LRRC7: variants seen among roughly 807,000 people sequenced by gnomAD.
LRRC7 encodes leucine-rich repeat-containing protein 7.
A neutral mutation model predicts 175.7 loss-of-function variants in LRRC7; 23 were observed. The ratio of observed to expected loss-of-function variants is 0.13; its 90% CI spans 0.09 to 0.19. The LOEUF is 0.19. Ranked by LOEUF, LRRC7 falls within the 10% of genes least tolerant of loss-of-function variation. LRRC7 has a pLI of 1.00. For synonymous variants in LRRC7, 685 were observed against 680.9 expected, an observed-to-expected ratio of 1.01 and a Z score of -0.09; for missense variants, 1,354 against 1,904.7, an observed-to-expected ratio of 0.71 and a Z score of 5.38.
chr1:69,933,359 A>G (rs116521984), intron 8 of LRRC7, among the ~76,000 whole-genome samples: 1,895 of 152,308 alleles, frequency 0.012, 35 homozygotes, highest in African/African-American at 0.043. Context: ...TTTAAAGGAG[A>G]TATTTATTAA....
intron 1 of LRRC7, among the ~76,000 whole-genome samples, chr1:69,650,310 A>T (rs768652044): frequency 5.9e-5 from 9 of 151,952 alleles, no homozygotes; most frequent in Non-Finnish European, 1.0e-4. Context: ...GGATGCCAGG[A>T]CGGGTGGATC....
At position 70,039,243 on chromosome 1, in the gene LRRC7, A is replaced by C. The variant is rs1310763445; in HGVS notation, c.3419A>C (p.Gln1140Pro). The change falls in exon 21 of 27, where the codon CAG (glutamine) becomes CCG (proline). Residue 1140 changes from glutamine to proline, a missense_variant. Gln to Pro is a moderately conservative substitution (Grantham distance 76, BLOSUM62 -1). Transcript: ENST00000651989. Reference sequence around the variant, plus strand: ...AATGAGGATGCTGTGGTGAATGCCCAGTTCGCAAGCCAAGGGGCCAGGGCG... The same window carrying C: ...AATGAGGATGCTGTGGTGAATGCCCCGTTCGCAAGCCAAGGGGCCAGGGCG... ...SVNEDAVVNA[Q>P]FASQGARAGF... 6.2e-7 allele frequency: 1 copy of C among 1,613,508 alleles called. No homozygotes were observed.
chr1:69,660,196 T>G (rs1657250299), intron 1 of LRRC7, among the ~76,000 whole-genome samples: 1 of 152,064 alleles, frequency 6.6e-6, no homozygotes, highest in African/African-American at 2.4e-5. Context: ...AAATATTATT[T>G]TTAGCTCTTA....
rs1437722084 is a variant in LRRC7 at position 70,125,900 on chromosome 1, G to GT, written c.*4015dup. 6.6e-6 allele frequency among the ~76,000 whole-genome samples: 1 copy of GT among 151,118 alleles called. No homozygotes were observed. The highest frequency in any genetic ancestry group is 1.5e-5 in the Non-Finnish European group (1 of 67,866). ...AAAAGTATCTGAATTTGTCAAAATG[G>GT]TTAGATGAAAGAAACCAAAAAAACC... On this transcript the variant is annotated 3_prime_UTR_variant, in exon 27 of 27. Coordinates refer to ENST00000651989, the MANE Select transcript of LRRC7 (RefSeq NM_001370785.2).
intron 7 of LRRC7, among the ~76,000 whole-genome samples, chr1:69,850,741 T>C (rs1251412441): frequency 6.6e-6 from 1 of 152,024 alleles, no homozygotes; most frequent in Non-Finnish European, 1.5e-5. Flanking sequence ...TAGAGAAACT[T>C]TGAAGAGTAG....
chr1:69,963,062 C>T (rs900007967), intron 8 of LRRC7, among the ~76,000 whole-genome samples: 4 of 151,626 alleles, frequency 2.6e-5, no homozygotes, highest in Non-Finnish European at 4.4e-5. Context: ...CCCAGCACTT[C>T]GGGAGGCTGA....
chr1:69,681,243 G>A (rs1044509427), intron 2 of LRRC7, among the ~76,000 whole-genome samples: 8 of 152,030 alleles, frequency 5.3e-5, no homozygotes, highest in Admixed American at 2.6e-4. Context: ...AAGACTTGTC[G>A]GTCAACTCCC....
rs1657192015 is a variant in LRRC7 at position 70,018,889 on chromosome 1, T to A, written c.1420+71T>A. The A allele has an allele frequency of 5.0e-6, 6 of 1,200,684 alleles. No individual in the cohort carries two copies. The Admixed American group carries it at 1.1e-4, about 21-fold the overall frequency. The allele number at this position is 1,200,684 out of a possible 1,614,324, so 74.4% of individuals were successfully genotyped here. On this transcript the variant is annotated intron_variant, in intron 15 of 26. Coordinates refer to ENST00000651989, the MANE Select transcript of LRRC7 (RefSeq NM_001370785.2). ...ATAGAAATAACTAATTTTATTCAGA[T>A]CTCTGGCCAGGAGTACTGGCACATG...
intron 7 of LRRC7, among the ~76,000 whole-genome samples, chr1:69,891,969 T>A (rs1645848364): frequency 8.0e-6 from 1 of 124,556 alleles, no homozygotes; most frequent in South Asian, 2.4e-4. Flanking sequence ...TGTATTCTCA[T>A]CACAAAAAAA....
Position 69,673,208 on chromosome 1 carries a change from T to C in LRRC7, c.3-5173T>C, listed in dbSNP as rs1189294674. Among the ~76,000 whole-genome samples, 9 of 152,360 alleles carry C rather than the reference T, an allele frequency of 5.9e-5. No individual in the cohort carries two copies. In the South Asian group the frequency reaches 1.9e-3, roughly 32 times the overall value. On this transcript the variant is annotated intron_variant, in intron 1 of 26. Coordinates refer to ENST00000651989, the MANE Select transcript of LRRC7 (RefSeq NM_001370785.2). Reference sequence around the variant, plus strand: ...TAGGACTTGACCTCAACCTACTGCATGATAATCTTTAGTACTGGGAAAATC... The same window carrying C: ...TAGGACTTGACCTCAACCTACTGCACGATAATCTTTAGTACTGGGAAAATC...
rs116659019 is a variant in LRRC7 at position 70,137,680 on chromosome 1, G to C, written c.*15793G>C. Among the ~76,000 whole-genome samples the C allele has an allele frequency of 2.6e-3, 399 of 152,330 alleles. 1 individual carries two copies. Among genetic ancestry groups the C allele is most frequent in the African/African-American group, 9.1e-3 (378 of 41,578 alleles). The stretch of plus-strand genomic sequence containing the variant: ...AAAACTAAAGAATGCCTGGAACTAT[G>C]CAGACATAGATCAAGTCTCATGCAT... On this transcript the variant is annotated 3_prime_UTR_variant, in exon 27 of 27. Coordinates refer to ENST00000651989, the MANE Select transcript of LRRC7 (RefSeq NM_001370785.2).
intron 25 of LRRC7, among the ~76,000 whole-genome samples, chr1:70,092,623 C>A (rs776221263): frequency 2.6e-5 from 4 of 152,024 alleles, no homozygotes; most frequent in Non-Finnish European, 5.9e-5. Context: ...GAGATAGCAT[C>A]CAAAACGATT....
intron 3 of LRRC7, among the ~76,000 whole-genome samples, chr1:69,776,265 T>A (rs1285809619): frequency 6.6e-6 from 1 of 152,150 alleles, no homozygotes; most frequent in Non-Finnish European, 1.5e-5. Context: ...ATATGTGAAA[T>A]GTGAGTATGG....
At chr1:69,834,233 T>C (rs1330692759) in intron 5 of LRRC7, among the ~76,000 whole-genome samples, 4 of 152,152 alleles carry the variant, frequency 2.6e-5, no homozygotes, top group East Asian at 1.9e-4. Flanking sequence ...ATTTGAATCA[T>C]GATTTACATA....
chr1:69,735,972 G>C (rs1668072274), intron 2 of LRRC7, among the ~76,000 whole-genome samples: 1 of 151,922 alleles, frequency 6.6e-6, no homozygotes, highest in Admixed American at 6.6e-5. Flanking sequence ...TAAAACAATA[G>C]AAATTTAATT....
chr1:69,684,404 C>T (rs559684817), intron 2 of LRRC7, among the ~76,000 whole-genome samples: 47 of 151,492 alleles, frequency 3.1e-4, no homozygotes, highest in African/African-American at 1.0e-3. Context: ...GAAAGAAAGG[C>T]ATAAGGAAAG....
At chr1:69,756,359 A>G (rs1670424421) in intron 2 of LRRC7, among the ~76,000 whole-genome samples, 1 of 151,936 alleles carries the variant, frequency 6.6e-6, no homozygotes, top group Admixed American at 6.6e-5. Flanking sequence ...AGAACTTATC[A>G]ATTAAATAAT....
rs1238592795 is a variant in LRRC7, at chr1:69,568,566, CACT to C, written c.-73_-71del. On this transcript the variant is annotated 5_prime_UTR_variant, in exon 1 of 27. Coordinates refer to ENST00000651989, the MANE Select transcript of LRRC7 (RefSeq NM_001370785.2). ...GCCCACTCCACTGCGGACCCCTGAACACTTAAGGAATAACCCTTGGCAGCTGCA... is the reference window on the plus strand; with the variant it reads ...GCCCACTCCACTGCGGACCCCTGAACTAAGGAATAACCCTTGGCAGCTGCA... 5 of 1,327,974 alleles carry C rather than the reference CACT, an allele frequency of 3.8e-6. No individual in the cohort carries two copies. In the African/African-American group the frequency reaches 6.2e-5, roughly 16 times the overall value. 82.3% of individuals were successfully genotyped at this position (1,327,974 alleles called of 1,614,324 possible).
intron 3 of LRRC7, among the ~76,000 whole-genome samples, chr1:69,778,247 A>C (rs1569756330): frequency 6.6e-6 from 1 of 152,178 alleles, no homozygotes; most frequent in Admixed American, 6.5e-5. Context: ...TACTTGCCAA[A>C]CCTGTGGCAA....
Sources: gnomAD v4.1 joint callset for allele counts (sites outside exome capture counted in the v4.1 genomes callset) on GRCh38, gnomAD v4.1.1 for gene constraint, MANE v1.5 for transcripts, NCBI Gene and HGNC (gene_info 2026-07-23, HGNC 2026-07-21) for gene names.